Variants in OSMR observed in about 807,000 individuals in gnomAD.
OSMR encodes oncostatin-M-specific receptor subunit beta.
A neutral mutation model predicts 99.9 loss-of-function variants in OSMR; 81 were observed. The observed-to-expected ratio is 0.81, with a 90% CI of 0.68 to 0.97. The LOEUF is 0.97. Among genes scored for constraint, OSMR ranks in the 50% least tolerant of loss-of-function variants. OSMR has a pLI of 0.00. For missense variants in OSMR, 1,099 were observed against 1,153.4 expected (o/e 0.95, Z 0.68); for synonymous variants, 406 against 410.4 (o/e 0.99, Z 0.13).
At chr5:38,890,257 C>T (rs1172885348) in intron 7 of OSMR, among the ~76,000 whole-genome samples, 2 of 152,102 alleles carry the variant, frequency 1.3e-5, no homozygotes, top group Non-Finnish European at 2.9e-5. Context: ...TCGCAGGCCC[C>T]GCCTCAGTCC....
intron 3 of OSMR, among the ~76,000 whole-genome samples, chr5:38,877,799 A>T (rs1299482527): frequency 6.6e-6 from 1 of 152,198 alleles, no homozygotes; most frequent in Non-Finnish European, 1.5e-5. Context: ...ATCTATTATT[A>T]TGTTACAAAA....
At chr5:38,923,106 A>T in intron 12 of OSMR, 44 bp from the exon 13 acceptor site, 1 of 1,611,158 alleles carries the variant, frequency 6.2e-7, no homozygotes, top group Non-Finnish European at 8.5e-7. Flanking sequence ...AGAATTAGGA[A>T]ACATCATTCT....
At chr5:38,878,387 C>A (rs1194711726) in intron 3 of OSMR, among the ~76,000 whole-genome samples, 1 of 152,116 alleles carries the variant, frequency 6.6e-6, no homozygotes, top group African/African-American at 2.4e-5. Flanking sequence ...GTCTCGGACA[C>A]CTCTGTTCCC....
chr5:38,910,496 A>T (rs912932840), intron 9 of OSMR, among the ~76,000 whole-genome samples: 1 of 152,220 alleles, frequency 6.6e-6, no homozygotes, highest in Admixed American at 6.5e-5. Flanking sequence ...AGAAAACCCG[A>T]AATAATACCA....
intron 15 of OSMR, among the ~76,000 whole-genome samples, chr5:38,926,946 A>G (rs1746500848): frequency 6.6e-6 from 1 of 152,220 alleles, no homozygotes; most frequent in Non-Finnish European, 1.5e-5. Context: ...ACATACACCC[A>G]TTCTAAATGG....
At position 38,932,531 on chromosome 5, in the gene OSMR, T is replaced by C; in HGVS notation, c.2363T>C (p.Phe788Ser). 2 of 1,613,042 alleles carry C rather than the reference T, an allele frequency of 1.2e-6. No homozygotes were observed. Among genetic ancestry groups the C allele is most frequent in the Non-Finnish European group, 1.7e-6 (2 of 1,179,024 alleles). ...YKSSILSLIK[F>S]KENPHLIIMN... is the part of the protein sequence containing the mutation. ...AGCAGCATCCTGTCATTAATAAAAT[T>C]CAAGGTAAATGTTGGCAAATTGTAT... The change falls in exon 17 of 18, where the codon TTC (phenylalanine) becomes TCC (serine). Residue 788 changes from phenylalanine (F) to serine (S), a missense_variant. Physicochemically the swap from Phe to Ser is radical, Grantham distance 155. Transcript: ENST00000274276.
chr5:38,940,495 C>T (rs1048900132), downstream of OSMR: 2 of 232,370 alleles, frequency 8.6e-6, no homozygotes, highest in Admixed American at 5.6e-5. Context: ...TGACAGGCAA[C>T]GTTCTTAGAA....
intron 1 of OSMR, among the ~76,000 whole-genome samples, chr5:38,857,846 T>C (rs924405161): frequency 1.3e-5 from 2 of 152,046 alleles, no homozygotes; most frequent in African/African-American, 4.8e-5. Flanking sequence ...TTTTGTGTTT[T>C]TAGTAGAGAT....
At chr5:38,943,128 C>G in intron 1 of OSMR, 1 of 508,344 alleles carries the variant, frequency 2.0e-6, no homozygotes, top group Non-Finnish European at 3.5e-6. Context: ...TTAAATATTC[C>G]TGTCACACAC....
chr5:38,873,780 A>G (rs932444708), intron 2 of OSMR, among the ~76,000 whole-genome samples: 3 of 152,058 alleles, frequency 2.0e-5, no homozygotes, highest in African/African-American at 4.8e-5. Context: ...CCATTTATAT[A>G]TCTTCCTTGG....
intron 2 of OSMR, among the ~76,000 whole-genome samples, chr5:38,869,470 T>C (rs758185597): frequency 1.3e-5 from 2 of 152,236 alleles, no homozygotes; most frequent in African/African-American, 4.8e-5. Context: ...GAAAAGACAC[T>C]GGATATACCA....
At chr5:38,910,550 C>T (rs955909046) in intron 9 of OSMR, among the ~76,000 whole-genome samples, 18 of 152,166 alleles carry the variant, frequency 1.2e-4, no homozygotes, top group Admixed American at 5.2e-4. Flanking sequence ...GAAATGAGTA[C>T]GAAGAAAATT....
rs58159819 is a variant in OSMR at position 38,898,950 on chromosome 5, C to CTTTTTTTTTTTTTTTTTTTTTTT, written c.992-4930_992-4908dup. On this transcript the variant is annotated intron_variant, in intron 7 of 17. Coordinates refer to ENST00000274276, the MANE Select transcript of OSMR (RefSeq NM_003999.3). ...TTTGTTGTTTCTATTTACATAATAT[C>CTTTTTTTTTTTTTTTTTTTTTTT]TTTTTTTTTTTTTTTTTTTTTTTTG... is the stretch of plus-strand genomic sequence containing the variant. Among the ~76,000 whole-genome samples, 8 of 78,288 alleles carry CTTTTTTTTTTTTTTTTTTTTTTT rather than the reference C, an allele frequency of 1.0e-4. 2 individuals are homozygous for CTTTTTTTTTTTTTTTTTTTTTTT. Among genetic ancestry groups the CTTTTTTTTTTTTTTTTTTTTTTT allele is most frequent in the African/African-American group, 5.0e-4 (8 of 15,980 alleles). The allele number at this position is 78,288 out of a possible 152,430, so 51.4% of individuals were successfully genotyped here.
rs115720222 is a variant in OSMR at position 38,902,373 on chromosome 5, A to G, written c.992-1509A>G. On this transcript the variant is annotated intron_variant, in intron 7 of 17. Transcript: ENST00000274276. Reference sequence around the variant, plus strand: ...TATGATGCACTGACTGATAGGAACCATGGTCTCTGGCACCTAAAATGGCCC... The same window carrying G: ...TATGATGCACTGACTGATAGGAACCGTGGTCTCTGGCACCTAAAATGGCCC... 3.8e-3 allele frequency among the ~76,000 whole-genome samples: 580 copies of G among 152,326 alleles called. 2 individuals carry two copies. The highest frequency in any genetic ancestry group is 0.013 in the African/African-American group (559 of 41,568).
In OSMR at chr5:38,849,074, G is replaced by A. The variant is rs115149520; in HGVS notation, c.-14+2687G>A. Among the ~76,000 whole-genome samples, 1,016 of 152,142 alleles carry A rather than the reference G, an allele frequency of 6.7e-3. 20 individuals carry two copies. The highest frequency in any genetic ancestry group is 0.023 in the African/African-American group (965 of 41,496). On this transcript the variant is annotated intron_variant, in intron 1 of 17. Transcript: ENST00000274276. ...ATTACAGGCGTGAGCCACTGCGCCC[G>A]GCCAGCTACATGTTATCCTAAAGTA...
At chr5:38,905,273 G>A (rs1335829173) in intron 9 of OSMR, among the ~76,000 whole-genome samples, 3 of 152,066 alleles carry the variant, frequency 2.0e-5, no homozygotes, top group Admixed American at 6.5e-5. Context: ...GGTGGATCAC[G>A]TGGTCAGGAG....
intron 10 of OSMR, 151 bp from the exon 11 acceptor site, chr5:38,918,689 G>A: frequency 6.8e-7 from 1 of 1,460,272 alleles, no homozygotes; most frequent in Non-Finnish European, 9.1e-7. Context: ...TTCAGAGTTG[G>A]TTGAGAGAGT....
At chr5:38,887,240 AT>A (rs1171356271) in intron 7 of OSMR, among the ~76,000 whole-genome samples, 1 of 152,202 alleles carries the variant, frequency 6.6e-6, no homozygotes, top group East Asian at 1.9e-4. Flanking sequence ...AAAGTTTATC[AT>A]TTTTAAAGCA....
rs1343201004 is a variant in OSMR at position 38,885,474 on chromosome 5, T to G, written c.829T>G (p.Leu277Val). 1.2e-6 allele frequency: 2 copies of G among 1,614,036 alleles called. No homozygotes were observed. The highest frequency in any genetic ancestry group is 2.2e-5 in the South Asian group (2 of 91,076). The change falls in exon 6 of 18, where the codon TTA (leucine) becomes GTA (valine). Residue 277 changes from leucine to valine, a missense_variant. Coordinates refer to ENST00000274276, the MANE Select transcript of OSMR (RefSeq NM_003999.3). ...WSKQPSQSYT[L>V]FESFSGEKKL... The stretch of plus-strand genomic sequence containing the variant: ...TAAACAACCTTCCCAAAGCTACACT[T>G]TATTTGAATCGTAAGTTGGCTCTGG...
Sources: gnomAD v4.1 joint callset for allele counts (sites outside exome capture counted in the v4.1 genomes callset) on GRCh38, gnomAD v4.1.1 for gene constraint, MANE v1.5 for transcripts, NCBI Gene and HGNC (gene_info 2026-07-23, HGNC 2026-07-21) for gene names.